The following TWF2 variants were observed in gnomAD, a reference collection of about 807,000 sequenced individuals.
TWF2 encodes twinfilin-2.
Under a neutral mutation model 45.1 loss-of-function variants are expected in TWF2, and 15 were observed. That is an observed-to-expected ratio of 0.33 (90% CI 0.22 to 0.51). The LOEUF (loss-of-function observed/expected upper bound fraction) is 0.51, where lower values mean the gene tolerates loss of function less well. Among genes scored for constraint, TWF2 ranks in the 20% least tolerant of loss-of-function variants. TWF2 has a pLI of 0.97. For missense variants in TWF2, 423 were observed against 469.1 expected, an observed-to-expected ratio of 0.90 and a Z score of 0.91; for synonymous variants, 177 against 195.8, an observed-to-expected ratio of 0.90 and a Z score of 0.80.
intron 8 of TWF2, 139 bp downstream of exon 8, chr3:52,229,522 G>A (rs992687820): frequency 1.9e-5 from 27 of 1,419,560 alleles, no homozygotes; most frequent in African/African-American, 1.1e-4. Context: ...CATGCGTGTT[G>A]CTCCTTGGGC....
At chr3:52,230,720 G>T in intron 6 of TWF2, 150 bp downstream of exon 6, 1 of 1,239,610 alleles carries the variant, frequency 8.1e-7, no homozygotes, top group Non-Finnish European at 1.1e-6. Context: ...GAGGGGTGGG[G>T]TGGACCATGT....
At position 52,231,864 on chromosome 3, in the gene TWF2, C is replaced by G. The variant is rs1478704305; in HGVS notation, c.282+80G>C. 5 of 1,551,292 alleles carry G rather than the reference C, an allele frequency of 3.2e-6. No homozygotes were observed. The African/African-American group carries it at 4.1e-5, about 13-fold the overall frequency. On this transcript the variant is annotated intron_variant, in intron 3 of 8. Transcript: ENST00000305533. Reference sequence around the variant, plus strand: ...CTCCAGGGGCAGGCCTGTGTCCCCTCTTGGATCCCCCAGGGCAAGGCCTTG... The same window carrying G: ...CTCCAGGGGCAGGCCTGTGTCCCCTGTTGGATCCCCCAGGGCAAGGCCTTG...
At chr3:52,237,324 T>C (rs1699736748) in intron 1 of TWF2, among the ~76,000 whole-genome samples, 1 of 152,224 alleles carries the variant, frequency 6.6e-6, no homozygotes, top group South Asian at 2.1e-4. Context: ...CCGACTCAAG[T>C]GAGCCTCACA....
intron 2 of TWF2, among the ~76,000 whole-genome samples, chr3:52,234,019 G>A (rs1321458110): frequency 6.6e-6 from 1 of 152,038 alleles, no homozygotes; most frequent in African/African-American, 2.4e-5. Flanking sequence ...TTAAGGGTGG[G>A]GTGGCTGTGG....
rs555678595 is a variant in TWF2, at chr3:52,239,124, C to T, written c.-108G>A. 5 of 1,313,246 alleles carry T rather than the reference C, an allele frequency of 3.8e-6. No homozygotes were observed. The African/African-American group carries it at 6.0e-5, about 16-fold the overall frequency. 81.3% of individuals were successfully genotyped at this position (1,313,246 alleles called of 1,614,324 possible). On this transcript the variant is annotated 5_prime_UTR_variant, in exon 1 of 9. Transcript: ENST00000305533. ...GGAGGATGTGGCGGAGGCTGTCGAC[C>T]CTCGCGCAGCTTCCCGGGCGGTGCC...
intron 8 of TWF2, 125 bp from the exon 9 acceptor site, chr3:52,229,326 C>T: frequency 7.6e-7 from 1 of 1,319,116 alleles, no homozygotes; most frequent in South Asian, 1.5e-5. Flanking sequence ...CTGAGGTCTC[C>T]CCTTGATTCC....
Position 52,228,992 on chromosome 3 carries a change from G to A in TWF2, c.*42C>T, listed in dbSNP as rs1241954478. The A allele has an allele frequency of 1.3e-6, 2 of 1,581,306 alleles. No individual in the cohort carries two copies. The highest frequency in any genetic ancestry group is 1.8e-5 in the Admixed American group (1 of 56,884). On this transcript the variant is annotated 3_prime_UTR_variant, in exon 9 of 9. Coordinates refer to ENST00000305533, the MANE Select transcript of TWF2 (RefSeq NM_007284.4). The stretch of plus-strand genomic sequence containing the variant: ...GATGGTGGCAGGGAGCGGAAGGTGG[G>A]CAGCCCCACAGTCCACACGTGGCCG...
Position 52,229,653 on chromosome 3 carries a change from G to A in TWF2, c.882+8C>T. 1.2e-6 allele frequency: 2 copies of A among 1,613,148 alleles called. No homozygotes were observed. Among genetic ancestry groups the A allele is most frequent in the African/African-American group, 2.7e-5 (2 of 75,066 alleles). On this transcript the variant is annotated splice_region_variant and intron_variant, in intron 8 of 8. Coordinates refer to ENST00000305533, the MANE Select transcript of TWF2 (RefSeq NM_007284.4). ...CTGGGGAGGTGAGGCCCTGGGGAGG[G>A]CGCCTACTTTCTTGGCGATCTCCAG...
chr3:52,231,217 A>G lies in TWF2; in HGVS notation c.393T>C (p.Phe131=). The G allele has an allele frequency of 6.2e-7, 1 of 1,614,026 alleles. No individual in the cohort carries two copies. Among genetic ancestry groups the G allele is most frequent in the Non-Finnish European group, 8.5e-7 (1 of 1,179,960 alleles). The change falls in exon 5 of 9, where the codon TTT becomes TTC. Residue 131 remains phenylalanine, a synonymous_variant. Coordinates refer to ENST00000305533, the MANE Select transcript of TWF2 (RefSeq NM_007284.4). ...LFGTVKDDLS[F]AGYQKHLSSC... ...ACGACAGGTGTTTCTGGTACCCAGC[A>G]AAAGAGAGGTCATCCTGCAGGGGTG...
intron 2 of TWF2, among the ~76,000 whole-genome samples, chr3:52,233,883 C>T (rs1699701445): frequency 7.2e-6 from 1 of 139,534 alleles, no homozygotes; most frequent in South Asian, 2.2e-4. Flanking sequence ...CACTACACTC[C>T]AGCCTGGGTG....
Position 52,229,946 on chromosome 3 carries a change from T to C in TWF2, c.734A>G (p.His245Arg). The C allele has an allele frequency of 1.9e-6, 3 of 1,612,864 alleles. No homozygotes were observed. Among genetic ancestry groups the C allele is most frequent in the South Asian group, 1.1e-5 (1 of 90,998 alleles). Residue 245 changes from histidine to arginine, a missense_variant, in exon 7 of 9, where the codon CAT becomes CGT. His to Arg is a conservative substitution (Grantham distance 29). Coordinates refer to ENST00000305533, the MANE Select transcript of TWF2 (RefSeq NM_007284.4). The part of the protein sequence containing the change: ...RYHFFLYKHT[H>R]EGDPLESVVF... Reference sequence around the variant, plus strand: ...TACAGACTCAAGGGGGTCGCCCTCATGGGTGTGCTTGTAGAGGAAGAAGTG... The same window carrying C: ...TACAGACTCAAGGGGGTCGCCCTCACGGGTGTGCTTGTAGAGGAAGAAGTG...
At chr3:52,232,297 G>C in intron 2 of TWF2, 175 bp from the exon 3 acceptor site, 1 of 854,212 alleles carries the variant, frequency 1.2e-6, no homozygotes, top group East Asian at 2.7e-5. Flanking sequence ...GAGTGAGCAA[G>C]GGAAGGCACA....
At chr3:52,232,363 C>T (rs1343503729) in intron 2 of TWF2, 2 of 571,078 alleles carry the variant, frequency 3.5e-6, no homozygotes, top group Non-Finnish European at 3.1e-6. Context: ...CACACACCCC[C>T]CCACACACAC....
chr3:52,230,790 C>T, intron 6 of TWF2, 80 bp downstream of exon 6: 1 of 1,525,210 alleles, frequency 6.6e-7, no homozygotes, highest in South Asian at 1.3e-5. Context: ...GGAGTGGGGA[C>T]TCCATGTACA....
In TWF2 at chr3:52,229,940, C is replaced by A; in HGVS notation, c.740G>T (p.Gly247Val). Reference sequence around the variant, plus strand: ...CTCACCTACAGACTCAAGGGGGTCGCCCTCATGGGTGTGCTTGTAGAGGAA... The same window carrying A: ...CTCACCTACAGACTCAAGGGGGTCGACCTCATGGGTGTGCTTGTAGAGGAA... ...HFFLYKHTHE[G>V]DPLESVVFIY... Residue 247 changes from glycine to valine, a missense_variant, in exon 7 of 9, where the codon GGC (glycine) becomes GTC (valine). Coordinates refer to ENST00000305533, the MANE Select transcript of TWF2 (RefSeq NM_007284.4). 6.2e-7 allele frequency: 1 copy of A among 1,612,658 alleles called. No homozygotes were observed. The highest frequency in any genetic ancestry group is 8.5e-7 in the Non-Finnish European group (1 of 1,179,730).
chr3:52,234,501 CCAG>C (rs1293101543), intron 2 of TWF2, among the ~76,000 whole-genome samples: 1 of 152,216 alleles, frequency 6.6e-6, no homozygotes, highest in African/African-American at 2.4e-5. Flanking sequence ...AGGCCAAAGC[CCAG>C]CCAAGCCTAG....
intron 1 of TWF2, 71 bp from the exon 2 acceptor site, chr3:52,235,177 G>T: frequency 6.7e-7 from 1 of 1,487,342 alleles, no homozygotes; most frequent in Non-Finnish European, 9.3e-7. Context: ...GGCCTGCTCT[G>T]TCCCACAGGG....
intron 2 of TWF2, 83 bp downstream of exon 2, chr3:52,234,946 G>A: frequency 6.6e-7 from 1 of 1,516,150 alleles, no homozygotes; most frequent in East Asian, 2.3e-5. Context: ...GGCAGGCCAG[G>A]GGCCAACATC....
At chr3:52,238,807 C>G (rs1699752006) in intron 1 of TWF2, among the ~76,000 whole-genome samples, 185 bp downstream of exon 1, 1 of 152,236 alleles carries the variant, frequency 6.6e-6, no homozygotes, top group Non-Finnish European at 1.5e-5. Flanking sequence ...TACACCCACT[C>G]CCAGCTATGC....
Sources: allele counts gnomAD v4.1 joint callset (sites outside exome capture counted in the v4.1 genomes callset), GRCh38; gene constraint gnomAD v4.1.1; transcripts MANE v1.5; gene names NCBI Gene and HGNC (gene_info 2026-07-23, HGNC 2026-07-21).